NDRG3: variants seen among roughly 807,000 people sequenced by gnomAD.
NDRG3 encodes protein NDRG3.
A neutral mutation model predicts 57.2 loss-of-function variants in NDRG3; 23 were observed. That is an observed-to-expected ratio of 0.40 (90% CI 0.29 to 0.57). The LOEUF is 0.57. NDRG3 is among the 20% of genes least tolerant of loss of function. The probability of loss-of-function intolerance (pLI) is 0.42; values close to 1 mark genes in which losing one functional copy is unlikely to be tolerated. For synonymous variants in NDRG3, 132 were observed against 162.6 expected (o/e 0.81, Z 1.43); for missense variants, 384 against 457.3 (o/e 0.84, Z 1.46).
At chr20:36,740,594 G>A (rs1020673892) in intron 1 of NDRG3, among the ~76,000 whole-genome samples, 5 of 152,110 alleles carry the variant, frequency 3.3e-5, no homozygotes, top group East Asian at 3.8e-4. Context: ...CGCCCGCCTC[G>A]GACTCCTAAA....
intron 1 of NDRG3, among the ~76,000 whole-genome samples, chr20:36,723,509 G>A (rs1352046114): frequency 6.6e-6 from 1 of 151,982 alleles, no homozygotes; most frequent in East Asian, 1.9e-4. Context: ...TTGCACTATG[G>A]AAGATACAAA....
chr20:36,711,206 G>A (rs570186011), intron 2 of NDRG3, among the ~76,000 whole-genome samples: 15 of 150,968 alleles, frequency 9.9e-5, no homozygotes, highest in African/African-American at 3.4e-4. Flanking sequence ...GTGAACCCGG[G>A]AGGCGGAGCT....
chr20:36,677,490 C>A (rs772663872), intron 8 of NDRG3, among the ~76,000 whole-genome samples: 3 of 152,158 alleles, frequency 2.0e-5, no homozygotes, highest in Non-Finnish European at 2.9e-5. Flanking sequence ...GCTCAGCCAG[C>A]GCAGGGTAGA....
chr20:36,678,307 A>G (rs919928148), intron 8 of NDRG3, among the ~76,000 whole-genome samples: 8 of 152,228 alleles, frequency 5.3e-5, no homozygotes, highest in African/African-American at 1.9e-4. Context: ...GGGTGAGGGC[A>G]AAAGAGTTGA....
rs571538400 is a variant in NDRG3, at chr20:36,688,605, ATTG to A, written c.199+71_199+73del. ...GGGGAAACCTCTGCTCTATTAGAATATTGTTGTTGTTTGGTTTTTAACATACAA... is the reference window on the plus strand; with the variant it reads ...GGGGAAACCTCTGCTCTATTAGAATATTGTTGTTTGGTTTTTAACATACAA... On this transcript the variant is annotated intron_variant, in intron 4 of 15. Coordinates refer to ENST00000349004, the MANE Select transcript of NDRG3 (RefSeq NM_032013.4). The A allele has an allele frequency of 3.6e-5, 40 of 1,100,396 alleles. 1 individual carries two copies. The African/African-American group carries it at 5.5e-4, about 15-fold the overall frequency. 68.2% of individuals were successfully genotyped at this position (1,100,396 alleles called of 1,614,324 possible).
rs1432037246 is a variant in NDRG3, at chr20:36,746,079, A to AGCAGCGGCG, written c.-84_-83insCGCCGCTGC. The AGCAGCGGCG allele has an allele frequency of 2.8e-5, 7 of 251,334 alleles. No individual in the cohort carries two copies. The highest frequency in any genetic ancestry group is 5.8e-5 in the Admixed American group (1 of 17,390). 15.6% of individuals were successfully genotyped at this position (251,334 alleles called of 1,614,324 possible). ...GGGCACCCGCCGTCAGTGCAGCAGCAGCGGCGGCGGCGGCGGCGGCGGCGG... is the reference window on the plus strand; with the variant it reads ...GGGCACCCGCCGTCAGTGCAGCAGCAGCAGCGGCGGCGGCGGCGGCGGCGGCGGCGGCGG... On this transcript the variant is annotated 5_prime_UTR_variant, in exon 1 of 16. Transcript: ENST00000349004.
rs1166724972 is a variant in NDRG3 at position 36,693,072 on chromosome 20, C to CAAAA, written c.94-4292_94-4289dup. 1.5e-3 allele frequency among the ~76,000 whole-genome samples: 7 copies of CAAAA among 4,534 alleles called. 2 individuals carry two copies. Among genetic ancestry groups the CAAAA allele is most frequent in the Non-Finnish European group, 2.0e-3 (5 of 2,556 alleles). The allele number at this position is 4,534 out of a possible 152,430, so 3.0% of individuals were successfully genotyped here. ...CCGGGGTGACAGCAAGACCCTGTCT[C>CAAAA]AAAAAAAAAAAAAAAAAAAAAAAAA... On this transcript the variant is annotated intron_variant, in intron 3 of 15. Transcript: ENST00000349004.
intron 2 of NDRG3, among the ~76,000 whole-genome samples, chr20:36,718,847 A>AT (rs796109752): frequency 1.2e-4 from 18 of 151,858 alleles, no homozygotes; most frequent in Admixed American, 5.9e-4. Flanking sequence ...CACCTGGATC[A>AT]TTTTTTTAAT....
intron 12 of NDRG3, among the ~76,000 whole-genome samples, chr20:36,664,522 A>G (rs1301892722): frequency 6.6e-6 from 1 of 152,226 alleles, no homozygotes; most frequent in Non-Finnish European, 1.5e-5. Flanking sequence ...CTTGCCACAA[A>G]GTGAACTACA....
At chr20:36,692,503 C>T (rs1027913687) in intron 3 of NDRG3, among the ~76,000 whole-genome samples, 1 of 152,088 alleles carries the variant, frequency 6.6e-6, no homozygotes, top group Admixed American at 6.6e-5. Context: ...GGATTACAGG[C>T]GTGAGCCACC....
chr20:36,700,472 G>A (rs762337677), intron 3 of NDRG3: 1 of 531,978 alleles, frequency 1.9e-6, no homozygotes, highest in Non-Finnish European at 3.9e-6. Flanking sequence ...TCGTGACCTT[G>A]TGAATGAACA....
At chr20:36,706,458 G>C (rs1053879305) in intron 3 of NDRG3, among the ~76,000 whole-genome samples, 3 of 152,078 alleles carry the variant, frequency 2.0e-5, no homozygotes, top group Admixed American at 6.6e-5. Context: ...TCATAAAACA[G>C]GTACCTGGCA....
Position 36,653,429 on chromosome 20 carries a change from T to C in NDRG3, c.*91A>G, listed in dbSNP as rs1163311510. On this transcript the variant is annotated 3_prime_UTR_variant, in exon 16 of 16. Coordinates refer to ENST00000349004, the MANE Select transcript of NDRG3 (RefSeq NM_032013.4). The surrounding 1 kb of genome is among the most constrained non-coding windows in gnomAD (Gnocchi z 4.2). Reference sequence around the variant, plus strand: ...TCAGTGGCCATGCATGAGTTAAAGATAGTAGAGGCCAGTTTACTGGATGAA... The same window carrying C: ...TCAGTGGCCATGCATGAGTTAAAGACAGTAGAGGCCAGTTTACTGGATGAA... The C allele has an allele frequency of 8.6e-7, 1 of 1,167,958 alleles. No homozygotes were observed. The highest frequency in any genetic ancestry group is 1.5e-5 in the South Asian group (1 of 66,440). The allele number at this position is 1,167,958 out of a possible 1,614,324, so 72.3% of individuals were successfully genotyped here. A position where few individuals can be genotyped will look rare whatever the true frequency, so the allele number is the denominator to read the frequency against.
chr20:36,676,992 C>A (rs1980786489), intron 8 of NDRG3, among the ~76,000 whole-genome samples: 1 of 152,246 alleles, frequency 6.6e-6, no homozygotes, highest in Non-Finnish European at 1.5e-5. Context: ...TGGATCTCAG[C>A]CTCCCTGTGC....
chr20:36,707,433 C>T (rs1983610151), intron 2 of NDRG3, among the ~76,000 whole-genome samples: 1 of 151,970 alleles, frequency 6.6e-6, no homozygotes, highest in African/African-American at 2.4e-5. Flanking sequence ...GGTGCAGAAC[C>T]AGGAATTAAA....
chr20:36,717,378 T>C (rs1264328374), intron 2 of NDRG3, among the ~76,000 whole-genome samples: 2 of 152,184 alleles, frequency 1.3e-5, no homozygotes, highest in African/African-American at 4.8e-5. Flanking sequence ...GATGCAGCAA[T>C]GTCTTCAGTA....
chr20:36,746,028 C>A lies in NDRG3; in HGVS notation c.-49+17G>T, dbSNP rs1986175597. The A allele has an allele frequency of 6.2e-6, 2 of 325,200 alleles. No homozygotes were observed. The highest frequency in any genetic ancestry group is 5.0e-5 in the Admixed American group (1 of 20,100). The allele number at this position is 325,200 out of a possible 1,614,324, so 20.1% of individuals were successfully genotyped here. A position where few individuals can be genotyped will look rare whatever the true frequency, so the allele number is the denominator to read the frequency against. On this transcript the variant is annotated intron_variant, in intron 1 of 15. Transcript: ENST00000349004. Reference sequence around the variant, plus strand: ...CGCCGCGCGCCCCCCGCGGGCCGGGCGGAGGCGCTCACTCACCTGAGGCGC... The same window carrying A: ...CGCCGCGCGCCCCCCGCGGGCCGGGAGGAGGCGCTCACTCACCTGAGGCGC...
chr20:36,669,667 T>G (rs1218416105), intron 9 of NDRG3, among the ~76,000 whole-genome samples: 3 of 151,872 alleles, frequency 2.0e-5, no homozygotes, highest in East Asian at 3.9e-4. Flanking sequence ...GCGCGGCCGA[T>G]TTTTGAATTT....
At chr20:36,702,045 T>A (rs1268537692) in intron 3 of NDRG3, among the ~76,000 whole-genome samples, 1 of 152,164 alleles carries the variant, frequency 6.6e-6, no homozygotes, top group Non-Finnish European at 1.5e-5. Flanking sequence ...AATCACTAAA[T>A]CATGATCATT....
Sources: gnomAD v4.1 joint callset for allele counts (sites outside exome capture counted in the v4.1 genomes callset) on GRCh38, gnomAD v4.1.1 for gene constraint, Gnocchi (gnomAD v3.1) non-coding constraint, MANE v1.5 for transcripts, NCBI Gene and HGNC (gene_info 2026-07-23, HGNC 2026-07-21) for gene names.